MTHFD2L: variants seen among roughly 807,000 people sequenced by gnomAD.
MTHFD2L encodes the protein bifunctional methylenetetrahydrofolate dehydrogenase/cyclohydrolase 2, mitochondrial.
A neutral mutation model predicts 34.9 loss-of-function variants in MTHFD2L; 29 were observed. That is an observed-to-expected ratio of 0.83 (90% CI 0.62 to 1.13). The LOEUF is 1.13. Among genes scored for constraint, MTHFD2L ranks in the 50% most tolerant of loss-of-function variants. The probability of loss-of-function intolerance (pLI) is 0.00; values close to 1 mark genes in which losing one functional copy is unlikely to be tolerated. For missense variants in MTHFD2L, 481 were observed against 446.5 expected (o/e 1.08, Z -0.70); for synonymous variants, 167 against 155.7 (o/e 1.07, Z -0.54).
chr4:74,212,514 T>G (rs1182338094), intron 5 of MTHFD2L, among the ~76,000 whole-genome samples: 1 of 152,234 alleles, frequency 6.6e-6, no homozygotes, highest in Non-Finnish European at 1.5e-5. Context: ...TTGAGTGAGT[T>G]TCTTAATCCT....
At chr4:74,215,155 C>T (rs747716323) in intron 5 of MTHFD2L, among the ~76,000 whole-genome samples, 23 of 151,706 alleles carry the variant, frequency 1.5e-4, no homozygotes, top group Non-Finnish European at 2.6e-4. Context: ...GGGTGGGATC[C>T]GCTGAACTAG....
chr4:74,202,689 G>A (rs995409835), intron 5 of MTHFD2L, among the ~76,000 whole-genome samples: 3 of 152,156 alleles, frequency 2.0e-5, no homozygotes, highest in Non-Finnish European at 4.4e-5. Context: ...TTATCTATGT[G>A]TTAGAGACGT....
chr4:74,229,948 TA>T (rs1421316739), intron 6 of MTHFD2L, among the ~76,000 whole-genome samples: 1 of 152,190 alleles, frequency 6.6e-6, no homozygotes, highest in East Asian at 1.9e-4. Context: ...AAAGGCGTGG[TA>T]TTTTTTTTTA....
At chr4:74,225,457 G>A in intron 6 of MTHFD2L, 63 bp downstream of exon 6, 1 of 1,347,584 alleles carries the variant, frequency 7.4e-7, no homozygotes, top group Non-Finnish European at 1.1e-6. Context: ...TGCCCTAAAT[G>A]CTGACATGTT....
chr4:74,172,849 A>G (rs1488828495), intron 1 of MTHFD2L, among the ~76,000 whole-genome samples: 1 of 152,162 alleles, frequency 6.6e-6, no homozygotes, highest in African/African-American at 2.4e-5. Flanking sequence ...ATAATGGTGT[A>G]TTTTCGATCA....
intron 5 of MTHFD2L, among the ~76,000 whole-genome samples, chr4:74,209,942 A>G (rs1049889458): frequency 2.0e-5 from 3 of 152,186 alleles, no homozygotes; most frequent in Admixed American, 6.5e-5. Context: ...TTCTCTAATG[A>G]CCAGTGATGA....
chr4:74,120,878 A>G (rs1285297849), upstream of MTHFD2L, among the ~76,000 whole-genome samples: 1 of 152,228 alleles, frequency 6.6e-6, no homozygotes, highest in African/African-American at 2.4e-5. Context: ...TCAGTGACAC[A>G]GAATGGGTTA....
chr4:74,176,372 CTTTG>C (rs1395371908), intron 3 of MTHFD2L, among the ~76,000 whole-genome samples: 1 of 152,006 alleles, frequency 6.6e-6, no homozygotes, highest in East Asian at 1.9e-4. Context: ...TTTCTCTTGT[CTTTG>C]TTTGCTGTTG....
chr4:74,147,294 C>A (rs1229821885), intron 1 of MTHFD2L, among the ~76,000 whole-genome samples: 1 of 152,028 alleles, frequency 6.6e-6, no homozygotes, highest in Non-Finnish European at 1.5e-5. Flanking sequence ...GCTCTTTAAG[C>A]CCAGGTTCCC....
chr4:74,146,042 G>A (rs1265363105), intron 1 of MTHFD2L, among the ~76,000 whole-genome samples: 3 of 152,042 alleles, frequency 2.0e-5, no homozygotes, highest in Admixed American at 1.3e-4. Context: ...CAAACCCATT[G>A]AAAAAGACAC....
At chr4:74,187,998 G>A (rs1224591177) in intron 3 of MTHFD2L, among the ~76,000 whole-genome samples, 4 of 152,100 alleles carry the variant, frequency 2.6e-5, no homozygotes, top group African/African-American at 9.7e-5. Flanking sequence ...AATAAACTGT[G>A]ATATTCCATA....
chr4:74,226,810 C>G (rs1361333566), intron 6 of MTHFD2L, among the ~76,000 whole-genome samples: 1 of 152,086 alleles, frequency 6.6e-6, no homozygotes, highest in African/African-American at 2.4e-5. Context: ...TGATGAAATG[C>G]CAGCCCTCGT....
At chr4:74,217,916 C>A (rs1045574943) in intron 5 of MTHFD2L, among the ~76,000 whole-genome samples, 2 of 152,068 alleles carry the variant, frequency 1.3e-5, no homozygotes, top group Admixed American at 6.6e-5. Context: ...AATTTGTACT[C>A]ACATTAACAA....
intron 5 of MTHFD2L, among the ~76,000 whole-genome samples, chr4:74,202,053 T>C (rs1405163364): frequency 1.3e-5 from 2 of 152,356 alleles, no homozygotes; most frequent in African/African-American, 4.8e-5. Flanking sequence ...GACACACAGA[T>C]ATTCTGCTTT....
intron 6 of MTHFD2L, among the ~76,000 whole-genome samples, chr4:74,227,086 A>G (rs558990518): frequency 1.3e-5 from 2 of 152,084 alleles, no homozygotes; most frequent in South Asian, 4.1e-4. Flanking sequence ...AGATGGCCTC[A>G]CCTGTGTTCC....
Position 74,162,475 on chromosome 4 carries a change from G to A in MTHFD2L, c.143+4194G>A, listed in dbSNP as rs574770285. On this transcript the variant is annotated intron_variant, in intron 1 of 7. Coordinates refer to ENST00000325278, the MANE Select transcript of MTHFD2L (RefSeq NM_001144978.3). ...TCATAATTCTAAAGTGAGGGTGTGT[G>A]TATAGTTTACAACAGATGTTCTCTC... is the stretch of plus-strand genomic sequence containing the variant. Among the ~76,000 whole-genome samples the A allele has an allele frequency of 7.7e-5, 11 of 142,744 alleles. No homozygotes were observed. The East Asian group carries it at 1.8e-3, about 24-fold the overall frequency. The allele number at this position is 142,744 out of a possible 152,430, so 93.6% of individuals were successfully genotyped here.
At chr4:74,247,338 A>G (rs1742623964) in intron 6 of MTHFD2L, among the ~76,000 whole-genome samples, 1 of 151,334 alleles carries the variant, frequency 6.6e-6, no homozygotes, top group Admixed American at 6.6e-5. Context: ...TTGTATCCTG[A>G]GACTTTGCTG....
At chr4:74,186,637 C>A (rs1241811539) in intron 3 of MTHFD2L, among the ~76,000 whole-genome samples, 3 of 151,452 alleles carry the variant, frequency 2.0e-5, no homozygotes, top group Non-Finnish European at 4.4e-5. Context: ...TGGGGAAAAC[C>A]TATATATATT....
At chr4:74,129,655 A>C (rs1007185604) in intron 1 of MTHFD2L, among the ~76,000 whole-genome samples, 2 of 152,158 alleles carry the variant, frequency 1.3e-5, no homozygotes, top group African/African-American at 4.8e-5. Flanking sequence ...TCGACATCCT[A>C]ACATTACAAT....
Sources: allele counts gnomAD v4.1 joint callset (sites outside exome capture counted in the v4.1 genomes callset), GRCh38; gene constraint gnomAD v4.1.1; transcripts MANE v1.5; gene names NCBI Gene and HGNC (gene_info 2026-07-23, HGNC 2026-07-21).